The following SMYD3 variants were observed in gnomAD, a reference collection of about 807,000 sequenced individuals.
SMYD3 encodes SET and MYND domain containing 3.
SMYD3 carries 36 observed loss-of-function variants against 57.7 expected under a neutral mutation model. That is an observed-to-expected ratio of 0.62 (90% CI 0.48 to 0.82). The LOEUF (loss-of-function observed/expected upper bound fraction) is 0.82. Ranked by LOEUF, SMYD3 falls within the 40% of genes least tolerant of loss-of-function variation. The pLI is 0.00. For synonymous variants in SMYD3, 211 were observed against 195.0 expected (o/e 1.08, Z -0.68); for missense variants, 515 against 538.8 (o/e 0.96, Z 0.44).
intron 5 of SMYD3, among the ~76,000 whole-genome samples, chr1:246,205,411 A>G (rs2148375957): frequency 6.6e-6 from 1 of 152,330 alleles, no homozygotes; most frequent in Admixed American, 6.5e-5. Flanking sequence ...AGTCATGCGC[A>G]GTCTAGCCAC....
intron 1 of SMYD3, among the ~76,000 whole-genome samples, chr1:246,439,769 G>A (rs538440268): frequency 7.2e-4 from 109 of 152,250 alleles, no homozygotes; most frequent in Middle Eastern, 6.8e-3. Context: ...GCAACGTGGC[G>A]AGACCACATC....
chr1:246,002,304 C>T (rs535400026), intron 5 of SMYD3, among the ~76,000 whole-genome samples: 2 of 99,826 alleles, frequency 2.0e-5, no homozygotes, highest in African/African-American at 3.1e-5. Context: ...CCTGCCTCAG[C>T]CTCCCGAGTA....
At chr1:245,872,326 C>CTTGCA (rs2052241919) in intron 8 of SMYD3, among the ~76,000 whole-genome samples, 1 of 152,060 alleles carries the variant, frequency 6.6e-6, no homozygotes, top group African/African-American at 2.4e-5. Flanking sequence ...TGCTTGCATC[C>CTTGCA]TCGCAAGAGC....
At chr1:246,331,805 C>A (rs1320958326) in intron 3 of SMYD3, among the ~76,000 whole-genome samples, 1 of 152,216 alleles carries the variant, frequency 6.6e-6, no homozygotes, top group African/African-American at 2.4e-5. Flanking sequence ...TTGGAATTCT[C>A]ACAATATTTC....
intron 5 of SMYD3, chr1:246,321,554 C>T (rs2065248812): frequency 6.6e-6 from 1 of 152,142 alleles, no homozygotes; most frequent in South Asian, 2.1e-4. Flanking sequence ...ACTCCGTCCC[C>T]CAAGCAGCAC....
chr1:246,168,701 C>G (rs1010329301), intron 5 of SMYD3, among the ~76,000 whole-genome samples: 1 of 152,132 alleles, frequency 6.6e-6, no homozygotes, highest in African/African-American at 2.4e-5. Flanking sequence ...AGACTCATTC[C>G]TTTCTGCCCA....
Position 245,929,880 on chromosome 1 carries a change from G to A in SMYD3, c.589C>T (p.Leu197=). 1 of 1,613,230 alleles carries A rather than the reference G, an allele frequency of 6.2e-7. No individual in the cohort carries two copies. The highest frequency in any genetic ancestry group is 8.5e-7 in the Non-Finnish European group (1 of 1,179,262). Residue 197 remains leucine (L), a synonymous_variant, in exon 6 of 12, where the codon CTA becomes TTA. Transcript: ENST00000490107. The part of the protein sequence containing the change: ...NAEMQEVGVG[L]YPSISLLNHS... ...TACCATACACCATACCTGGGATATAGGCCAACACCAACTTCCTGCATCTCC... is the reference window on the plus strand; with the variant it reads ...TACCATACACCATACCTGGGATATAAGCCAACACCAACTTCCTGCATCTCC...
Position 246,169,631 on chromosome 1 carries a change from G to A in SMYD3, c.531+157570C>T, listed in dbSNP as rs374195101. Reference sequence around the variant, plus strand: ...CCAGCTCTAAAGATACAGCAAGGCCGGGTGCGGTGGCTCGGGCCTGTAATC... The same window carrying A: ...CCAGCTCTAAAGATACAGCAAGGCCAGGTGCGGTGGCTCGGGCCTGTAATC... On this transcript the variant is annotated intron_variant, in intron 5 of 11. Transcript: ENST00000490107. Among the ~76,000 whole-genome samples the A allele has an allele frequency of 6.6e-5, 10 of 152,130 alleles. No homozygotes were observed. The East Asian group carries it at 1.4e-3, about 21-fold the overall frequency.
intron 8 of SMYD3, among the ~76,000 whole-genome samples, chr1:245,866,881 C>T (rs12038045): frequency 0.58 from 87,459 of 152,068 alleles, 27,662 homozygotes; most frequent in Non-Finnish European, 0.73. Flanking sequence ...ACCCATTAGA[C>T]CTTAACAATC....
chr1:246,255,987 T>TAGATAGATAGATACAC (rs1407167583), intron 5 of SMYD3, among the ~76,000 whole-genome samples: 1 of 138,574 alleles, frequency 7.2e-6, no homozygotes, highest in Non-Finnish European at 1.5e-5. Flanking sequence ...GATAGATAGA[T>TAGATAGATAGATACAC]ACACACACAC....
chr1:246,023,844 T>TGTGTGTGTGTGTGTGTGTGTGTGTGTG (rs1558159569), intron 5 of SMYD3, among the ~76,000 whole-genome samples: 2 of 151,360 alleles, frequency 1.3e-5, no homozygotes, highest in African/African-American at 4.9e-5. Flanking sequence ...TGTGTGTGTG[T>TGTGTGTGTGTGTGTGTGTGTGTGTGTG]TACTGAAAAA....
intron 5 of SMYD3, chr1:246,321,573 C>G (rs2065249041): frequency 1.3e-5 from 2 of 152,186 alleles, no homozygotes; most frequent in Non-Finnish European, 1.5e-5. Context: ...ACTCATGGTT[C>G]TCTGCAGTCT....
Position 246,273,653 on chromosome 1 carries a change from C to T in SMYD3, c.531+53548G>A, listed in dbSNP as rs192576456. Among the ~76,000 whole-genome samples, 4 of 139,416 alleles carry T rather than the reference C, an allele frequency of 2.9e-5. No homozygotes were observed. The East Asian group carries it at 7.1e-4, about 25-fold the overall frequency. The allele number at this position is 139,416 out of a possible 152,430, so 91.5% of individuals were successfully genotyped here. On this transcript the variant is annotated intron_variant, in intron 5 of 11. Coordinates refer to ENST00000490107, the MANE Select transcript of SMYD3 (RefSeq NM_001167740.2). ...AGGTGGGAGTGCAGTGGCACGATCT[C>T]GGCTCACTGCAACCTCTGCCTCCCA...
At chr1:246,275,734 C>T (rs373236604) in intron 5 of SMYD3, among the ~76,000 whole-genome samples, 6 of 146,400 alleles carry the variant, frequency 4.1e-5, no homozygotes, top group South Asian at 4.4e-4. Flanking sequence ...TATTTAATGT[C>T]TCTAGTGGAG....
chr1:245,793,085 TG>T lies in SMYD3; in HGVS notation c.1077-28937del, dbSNP rs1302923400. 1.2e-4 allele frequency among the ~76,000 whole-genome samples: 17 copies of T among 146,454 alleles called. No individual in the cohort carries two copies. In the South Asian group the frequency reaches 1.8e-3, roughly 15 times the overall value. ...CAGCACTTTGGGAGGCCGAGGCGGG[TG>T]ATCACGAAATCAGGAGATCAAGACC... On this transcript the variant is annotated intron_variant, in intron 10 of 11. Transcript: ENST00000490107.
chr1:245,789,827 A>G (rs1427150395), intron 10 of SMYD3, among the ~76,000 whole-genome samples: 2 of 152,338 alleles, frequency 1.3e-5, no homozygotes, highest in East Asian at 3.9e-4. Flanking sequence ...AGCTCCTTAC[A>G]TACTATTGAT....
intron 5 of SMYD3, among the ~76,000 whole-genome samples, chr1:246,125,475 C>T (rs896680966): frequency 1.3e-5 from 2 of 152,070 alleles, no homozygotes; most frequent in Admixed American, 6.5e-5. Context: ...GAAACCAGGT[C>T]TTTCAGATAC....
At chr1:246,215,681 C>A (rs1336795995) in intron 5 of SMYD3, among the ~76,000 whole-genome samples, 9 of 152,116 alleles carry the variant, frequency 5.9e-5, no homozygotes, top group Non-Finnish European at 5.9e-5. Context: ...CAGCAGCATG[C>A]CACAGAAAGG....
chr1:246,073,638 G>T (rs190723156), intron 5 of SMYD3, among the ~76,000 whole-genome samples: 93 of 152,220 alleles, frequency 6.1e-4, no homozygotes, highest in Admixed American at 1.8e-3. Context: ...GATTGCTGGA[G>T]ACCCGGAGGC....
Sources: allele counts gnomAD v4.1 joint callset (sites outside exome capture counted in the v4.1 genomes callset), GRCh38; gene constraint gnomAD v4.1.1; transcripts MANE v1.5; gene names NCBI Gene and HGNC (gene_info 2026-07-23, HGNC 2026-07-21).